The following PIK3R2 variants were observed in gnomAD, a reference collection of about 807,000 sequenced individuals.
The protein encoded by PIK3R2 is phosphoinositide-3-kinase regulatory subunit 2, also known as phosphatidylinositol 3-kinase regulatory subunit beta.
PIK3R2 carries 40 observed loss-of-function variants against 78.5 expected under a neutral mutation model. The ratio of observed to expected loss-of-function variants is 0.51; its 90% confidence interval spans 0.40 to 0.66. The LOEUF is 0.66. Ranked by LOEUF, PIK3R2 falls within the 30% of genes least tolerant of loss-of-function variation. The pLI, the probability that PIK3R2 is intolerant of heterozygous loss-of-function variation, is 0.00. For missense variants in PIK3R2, 880 were observed against 1,026.6 expected, an observed-to-expected ratio of 0.86 and a Z score of 1.95; for synonymous variants, 473 against 457.7, an observed-to-expected ratio of 1.03 and a Z score of -0.43.
At chr19:18,164,467 C>CT (rs2043785931) in intron 11 of PIK3R2, among the ~76,000 whole-genome samples, 1 of 152,198 alleles carries the variant, frequency 6.6e-6, no homozygotes, top group African/African-American at 2.4e-5. Context: ...CATAGCAAGA[C>CT]TTTGTCTCTT....
chr19:18,154,133 G>T (rs1437148803), intron 1 of PIK3R2, among the ~76,000 whole-genome samples: 4 of 152,088 alleles, frequency 2.6e-5, no homozygotes, highest in African/African-American at 9.7e-5. Context: ...TCTGCCTGTC[G>T]CGCCTTCCTA....
Position 18,162,391 on chromosome 19 carries a change from G to A in PIK3R2, c.1011-17G>A, listed in dbSNP as rs1395169711. On this transcript the variant is annotated splice_polypyrimidine_tract_variant and intron_variant, in intron 8 of 15. Transcript: ENST00000222254. ...CTCCAGGTGGCTCGGCAGTCCCAATGTTGGATGTTCCCACAGGGAGGAGGT... is the reference window on the plus strand; with the variant it reads ...CTCCAGGTGGCTCGGCAGTCCCAATATTGGATGTTCCCACAGGGAGGAGGT... The A allele has an allele frequency of 3.7e-6, 6 of 1,612,516 alleles. No individual in the cohort carries two copies. Among genetic ancestry groups the A allele is most frequent in the Admixed American group, 1.7e-5 (1 of 59,990 alleles).
chr19:18,154,876 C>T (rs124216), intron 1 of PIK3R2, among the ~76,000 whole-genome samples: 1 of 150,016 alleles, frequency 6.7e-6, no homozygotes, highest in African/African-American at 2.5e-5. Context: ...CAGGAGTTTG[C>T]GACCAACCTG....
chr19:18,159,854 G>A (rs1020639782), intron 2 of PIK3R2, among the ~76,000 whole-genome samples: 7 of 152,154 alleles, frequency 4.6e-5, no homozygotes, highest in Non-Finnish European at 7.3e-5. Context: ...CGATTCTCCT[G>A]CCTCAACCTC....
At chr19:18,155,399 C>T (rs1383503711) in intron 1 of PIK3R2, 58 bp from the exon 2 acceptor site, 6 of 375,938 alleles carry the variant, frequency 1.6e-5, no homozygotes, top group East Asian at 3.8e-5. Context: ...GGCCCATCTC[C>T]GTGTTGGGGG....
At chr19:18,160,997 A>G (rs1316785052) in intron 4 of PIK3R2, 28 bp downstream of exon 4, 1 of 1,612,602 alleles carries the variant, frequency 6.2e-7, no homozygotes. Flanking sequence ...TGGGGTTGGG[A>G]GGAGGCTGGG....
Position 18,166,196 on chromosome 19 carries a change from A to G in PIK3R2, c.1453A>G (p.Asn485Asp). Reference sequence around the variant, plus strand: ...GAAGCGTACTGCAATTGAGGCCTTCAATGAGACTATCAAGATCTTTGAAGA... The same window carrying G: ...GAAGCGTACTGCAATTGAGGCCTTCGATGAGACTATCAAGATCTTTGAAGA... ...QMKRTAIEAF[N>D]ETIKIFEEQG... Residue 485 changes from asparagine to aspartate, a missense_variant, in exon 12 of 16, where the codon AAT becomes GAT. Coordinates refer to ENST00000222254, the MANE Select transcript of PIK3R2 (RefSeq NM_005027.4). 1 of 1,614,034 alleles carries G rather than the reference A, an allele frequency of 6.2e-7. No individual in the cohort carries two copies. Among genetic ancestry groups the G allele is most frequent in the Non-Finnish European group, 8.5e-7 (1 of 1,179,926 alleles).
chr19:18,168,637 G>A lies in PIK3R2; in HGVS notation c.1809-89G>A. The A allele has an allele frequency of 8.8e-7, 1 of 1,138,620 alleles. No individual in the cohort carries two copies. Among genetic ancestry groups the A allele is most frequent in the Non-Finnish European group, 1.3e-6 (1 of 751,882 alleles). The allele number at this position is 1,138,620 out of a possible 1,614,324, so 70.5% of individuals were successfully genotyped here. ...TCGAAGAATGAGTAGGAGTTCACCA[G>A]GGAGGAAAAGTTGTCCAGGCAGCTG... On this transcript the variant is annotated intron_variant, in intron 14 of 15. Coordinates refer to ENST00000222254, the MANE Select transcript of PIK3R2 (RefSeq NM_005027.4). This position sits in a 1 kb window ranked among gnomAD's most constrained non-coding sequence, Gnocchi z 4.1.
At position 18,169,475 on chromosome 19, in the gene PIK3R2, C is replaced by T. The variant is rs1299973354; in HGVS notation, c.*181C>T. 9 of 358,156 alleles carry T rather than the reference C, an allele frequency of 2.5e-5. No individual in the cohort carries two copies. The highest frequency in any genetic ancestry group is 8.7e-5 in the African/African-American group (4 of 46,234). The allele number at this position is 358,156 out of a possible 1,614,324, so 22.2% of individuals were successfully genotyped here. ...CTTCCCTCCCCCATTCTCCAGATCT[C>T]CCTCTGTCTCCTTTTCTCTGTCTTT... On this transcript the variant is annotated 3_prime_UTR_variant, in exon 16 of 16. Coordinates refer to ENST00000222254, the MANE Select transcript of PIK3R2 (RefSeq NM_005027.4).
At chr19:18,166,366 G>T (rs2043810820) in intron 12 of PIK3R2, 64 bp downstream of exon 12, 5 of 1,451,416 alleles carry the variant, frequency 3.4e-6, no homozygotes, top group Non-Finnish European at 4.8e-6. Context: ...AGCCAGGGAG[G>T]GAAGGAAGCA....
Position 18,155,857 on chromosome 19 carries a change from G to C in PIK3R2, c.-23G>C, listed in dbSNP as rs1210795594. On this transcript the variant is annotated 5_prime_UTR_variant, in exon 2 of 16. Transcript: ENST00000222254. ...CTCCAAGCAGCCACCTAACCATCCA[G>C]ACCCCACCCCACTCACGCGGCCATG... The C allele has an allele frequency of 2.6e-6, 4 of 1,527,852 alleles. No individual in the cohort carries two copies. The African/African-American group carries it at 5.6e-5, about 21-fold the overall frequency. 94.6% of individuals were successfully genotyped at this position (1,527,852 alleles called of 1,614,324 possible). A position where few individuals can be genotyped will look rare whatever the true frequency, so the allele number is the denominator to read the frequency against.
intron 11 of PIK3R2, among the ~76,000 whole-genome samples, chr19:18,164,458 A>G (rs181423503): frequency 6.6e-6 from 1 of 152,008 alleles, no homozygotes; most frequent in Admixed American, 6.5e-5. Flanking sequence ...CCTGGGTAAC[A>G]TAGCAAGACT....
intron 9 of PIK3R2, chr19:18,162,719 A>C (rs1217819299): frequency 1.8e-5 from 11 of 600,224 alleles, no homozygotes; most frequent in Non-Finnish European, 2.9e-5. Flanking sequence ...CCCCGTCTCT[A>C]CTAAAAAATT....
rs2043733227 is a variant in PIK3R2, at chr19:18,160,764, T to C, written c.416-155T>C. The C allele has an allele frequency of 4.1e-6, 4 of 973,712 alleles. No individual in the cohort carries two copies. The South Asian group carries it at 5.8e-5, about 14-fold the overall frequency. 60.3% of individuals were successfully genotyped at this position (973,712 alleles called of 1,614,324 possible). A position where few individuals can be genotyped will look rare whatever the true frequency, so the allele number is the denominator to read the frequency against. ...GTGAACATGACCAGGCCACTGCATG[T>C]GCTGTGCCCTCTCCCAGTTCTCCCT... On this transcript the variant is annotated intron_variant, in intron 3 of 15. Transcript: ENST00000222254.
rs942290724 is a variant in PIK3R2, at chr19:18,166,049, T to C, written c.1417-111T>C. Reference sequence around the variant, plus strand: ...AGGCGTTAGAAGAATGACACTCTGATAGAGGGACCAGCTTGAGCAGTCTCC... The same window carrying C: ...AGGCGTTAGAAGAATGACACTCTGACAGAGGGACCAGCTTGAGCAGTCTCC... On this transcript the variant is annotated intron_variant, in intron 11 of 15. Transcript: ENST00000222254. The C allele has an allele frequency of 2.9e-6, 4 of 1,371,530 alleles. No individual in the cohort carries two copies. In the African/African-American group the frequency reaches 4.3e-5, roughly 15 times the overall value. The allele number at this position is 1,371,530 out of a possible 1,614,324, so 85.0% of individuals were successfully genotyped here. A position where few individuals can be genotyped will look rare whatever the true frequency, so the allele number is the denominator to read the frequency against.
intron 11 of PIK3R2, among the ~76,000 whole-genome samples, chr19:18,164,325 T>A (rs1157292479): frequency 6.6e-6 from 1 of 151,782 alleles, no homozygotes; most frequent in Non-Finnish European, 1.5e-5. Context: ...ATTACTTATG[T>A]CCCCTTCAAC....
intron 12 of PIK3R2, 138 bp downstream of exon 12, chr19:18,166,440 A>C (rs946843237): frequency 1.3e-5 from 9 of 713,048 alleles, no homozygotes; most frequent in African/African-American, 1.2e-4. Flanking sequence ...GCCTGGTGCG[A>C]TGGCTCAGGC....
Position 18,161,283 on chromosome 19 carries a change from C to T in PIK3R2, c.603C>T (p.Ala201=), listed in dbSNP as rs1347186972. The change falls in exon 6 of 16, where the codon GCC becomes GCT. Residue 201 remains alanine (A), a synonymous_variant. Transcript: ENST00000222254. This position sits in a 1 kb window ranked among gnomAD's most constrained non-coding sequence, Gnocchi z 5.3. Reference sequence around the variant, plus strand: ...GCCCTGGCCATCTGTCCGCAGAGGCCGCGGGGCCCGTGGGGCCGGCGCTGG... The same window carrying T: ...GCCCTGGCCATCTGTCCGCAGAGGCTGCGGGGCCCGTGGGGCCGGCGCTGG... The part of the protein sequence containing the change: ...SAEARRALRE[A]AGPVGPALEP... 4 of 1,392,164 alleles carry T rather than the reference C, an allele frequency of 2.9e-6. No homozygotes were observed. Among genetic ancestry groups the T allele is most frequent in the African/African-American group, 1.5e-5 (1 of 65,232 alleles). The allele number at this position is 1,392,164 out of a possible 1,614,324, so 86.2% of individuals were successfully genotyped here.
chr19:18,162,993 A>G lies in PIK3R2; in HGVS notation c.1136A>G (p.Lys379Arg), dbSNP rs765341235. ...LRKGGNNKLI[K>R]VFHRDGHYGF... is the part of the protein sequence containing the mutation. The stretch of plus-strand genomic sequence containing the variant: ...AAAGGCGGGAACAATAAGCTGATCA[A>G]GGTCTTCCACCGAGATGGGCACTAT... Residue 379 changes from lysine (K) to arginine (R), a missense_variant, in exon 10 of 16, where the codon AAG (lysine) becomes AGG (arginine). Around this residue, in one of 3 missense-constraint regions of PIK3R2, gnomAD observed 156 missense variants for 241.0 expected, o/e 0.65. Coordinates refer to ENST00000222254, the MANE Select transcript of PIK3R2 (RefSeq NM_005027.4). 2 of 1,612,540 alleles carry G rather than the reference A, an allele frequency of 1.2e-6. No homozygotes were observed. Among genetic ancestry groups the G allele is most frequent in the South Asian group, 1.1e-5 (1 of 90,962 alleles).
Sources: allele counts gnomAD v4.1 joint callset (sites outside exome capture counted in the v4.1 genomes callset), GRCh38; gene constraint gnomAD v4.1.1; regional missense constraint gnomAD v4.1.1; non-coding constraint Gnocchi (gnomAD v3.1); transcripts MANE v1.5; gene names NCBI Gene and HGNC (gene_info 2026-07-23, HGNC 2026-07-21).